Variants in DNMBP observed in about 807,000 individuals in gnomAD.
The protein encoded by DNMBP is dynamin binding protein, also known as dynamin-binding protein.
In DNMBP, 87 loss-of-function variants were observed where a neutral mutation model predicts 150.0. The ratio of observed to expected loss-of-function variants is 0.58; its 90% confidence interval spans 0.49 to 0.69. The LOEUF (loss-of-function observed/expected upper bound fraction) is 0.69. Among genes scored for constraint, DNMBP ranks in the 30% least tolerant of loss-of-function variants. DNMBP has a pLI of 0.00. For synonymous variants in DNMBP, 711 were observed against 750.4 expected (o/e 0.95, Z 0.86); for missense variants, 1,774 against 1,949.0 (o/e 0.91, Z 1.69).
rs397847834 is a variant in DNMBP, at chr10:99,929,217, GA to G, written c.2261-20072del. On this transcript the variant is annotated intron_variant, in intron 4 of 16. Transcript: ENST00000324109. Reference sequence around the variant, plus strand: ...GTCCAAAGAAGTGTAGAGACTGAGAGAAAAAAAAAAAAACATGCCAGGAAAA... The same window carrying G: ...GTCCAAAGAAGTGTAGAGACTGAGAGAAAAAAAAAAAACATGCCAGGAAAA... Among the ~76,000 whole-genome samples, 381 of 135,224 alleles carry G rather than the reference GA, an allele frequency of 2.8e-3. 1 individual carries two copies. Among genetic ancestry groups the G allele is most frequent in the African/African-American group, 3.6e-3 (133 of 36,934 alleles). The allele number at this position is 135,224 out of a possible 152,430, so 88.7% of individuals were successfully genotyped here. A position where few individuals can be genotyped will look rare whatever the true frequency, so the allele number is the denominator to read the frequency against.
At chr10:99,914,000 A>G in intron 4 of DNMBP, 4 of 1,505,540 alleles carry the variant, frequency 2.7e-6, no homozygotes, top group Non-Finnish European at 3.6e-6. Flanking sequence ...GCCTGAGGGT[A>G]AGCAGGCGGG....
At chr10:99,886,211 A>T in intron 13 of DNMBP, 89 bp downstream of exon 13, 1 of 1,116,358 alleles carries the variant, frequency 9.0e-7, no homozygotes, top group Non-Finnish European at 1.3e-6. Flanking sequence ...TAATTCAGAT[A>T]ATTTTTCAAA....
chr10:99,928,283 T>G (rs2040105236), intron 4 of DNMBP: 1 of 152,200 alleles, frequency 6.6e-6, no homozygotes, highest in Non-Finnish European at 1.5e-5. Context: ...GCTTATCTTT[T>G]CAGTCTGTGG....
At chr10:99,989,642 C>T (rs1024477729) in intron 1 of DNMBP, among the ~76,000 whole-genome samples, 1 of 152,044 alleles carries the variant, frequency 6.6e-6, no homozygotes, top group Non-Finnish European at 1.5e-5. Context: ...ACCTGGGAGG[C>T]GGAGGTTGCA....
chr10:99,877,907 A>C (rs1407479070), intron 16 of DNMBP, among the ~76,000 whole-genome samples: 1 of 151,702 alleles, frequency 6.6e-6, no homozygotes. Context: ...AGATCACTAG[A>C]GGTCAGGAGT....
intron 1 of DNMBP, among the ~76,000 whole-genome samples, chr10:99,973,650 A>G (rs2040699993): frequency 6.6e-6 from 1 of 152,236 alleles, no homozygotes; most frequent in Non-Finnish European, 1.5e-5. Flanking sequence ...CAACCTGAAG[A>G]ACAGCAGCAG....
chr10:99,885,381 G>T (rs1177492268), intron 14 of DNMBP, among the ~76,000 whole-genome samples: 1 of 152,060 alleles, frequency 6.6e-6, no homozygotes, highest in African/African-American at 2.4e-5. Context: ...GTAGTGGCGT[G>T]TGCCTGTAGT....
At position 99,956,072 on chromosome 10, in the gene DNMBP, G is replaced by C; in HGVS notation, c.1402C>G (p.Leu468Val). The change falls in exon 4 of 17, where the codon CTA becomes GTA. Residue 468 changes from leucine to valine, a missense_variant. Leu to Val is a conservative substitution (Grantham distance 32). Transcript: ENST00000324109. ...SLPPKRMYSQLKTLQKPVLPL... is the reference protein window; with the variant it reads ...SLPPKRMYSQVKTLQKPVLPL... ...AGCACTGGCTTCTGAAGAGTTTTTA[G>C]CTGGGAATACATTCTTTTGGGAGGT... 6.2e-7 allele frequency: 1 copy of C among 1,614,188 alleles called. No individual in the cohort carries two copies. The highest frequency in any genetic ancestry group is 1.7e-5 in the Admixed American group (1 of 60,020).
Position 99,886,462 on chromosome 10 carries a change from C to G in DNMBP, c.3456G>C (p.Ser1152=), listed in dbSNP as rs767654949. Residue 1152 remains serine, a synonymous_variant, in exon 13 of 17, where the codon TCG becomes TCC. Coordinates refer to ENST00000324109, the MANE Select transcript of DNMBP (RefSeq NM_015221.4). ...TCAGGGCCTCATAGTTGTTCCGGGC[C>G]GACTGCAGCTCCTCCAGGGTCTTCT... The part of the protein sequence containing the change: ...KDKKTLEELQ[S]ARNNYEALNA... 1.2e-6 allele frequency: 2 copies of G among 1,614,152 alleles called. No individual in the cohort carries two copies. The highest frequency in any genetic ancestry group is 1.7e-6 in the Non-Finnish European group (2 of 1,180,034).
At chr10:99,988,137 G>A (rs1402561660) in intron 1 of DNMBP, among the ~76,000 whole-genome samples, 1 of 152,100 alleles carries the variant, frequency 6.6e-6, no homozygotes, top group Non-Finnish European at 1.5e-5. Context: ...TGCGTCCAAT[G>A]AGATGACCAT....
intron 12 of DNMBP, among the ~76,000 whole-genome samples, chr10:99,888,354 G>A (rs1440191714): frequency 1.3e-5 from 2 of 151,988 alleles, no homozygotes; most frequent in Non-Finnish European, 2.9e-5. Flanking sequence ...GGGATTACAG[G>A]TGCCCACCAC....
At chr10:99,881,360 T>A (rs2039365044) in intron 15 of DNMBP, among the ~76,000 whole-genome samples, 1 of 152,192 alleles carries the variant, frequency 6.6e-6, no homozygotes, top group Admixed American at 6.5e-5. Context: ...AACTGTTTGT[T>A]AGAATATACA....
At chr10:99,879,084 C>CAAAGAAAAAAA (rs2039320161) in intron 16 of DNMBP, among the ~76,000 whole-genome samples, 1 of 62,404 alleles carries the variant, frequency 1.6e-5, no homozygotes, top group Non-Finnish European at 2.8e-5. Flanking sequence ...GACTCTGTCT[C>CAAAGAAAAAAA]AAAAAAAAAA....
chr10:99,952,753 C>G (rs1163607124), intron 4 of DNMBP, among the ~76,000 whole-genome samples: 1 of 152,136 alleles, frequency 6.6e-6, no homozygotes, highest in Non-Finnish European at 1.5e-5. Context: ...ACTTGATTTC[C>G]AATAATACTC....
rs775726377 is a variant in DNMBP, at chr10:99,879,965, C to T, written c.4394G>A (p.Ser1465Asn). 1 of 1,614,166 alleles carries T rather than the reference C, an allele frequency of 6.2e-7. No individual in the cohort carries two copies. Among genetic ancestry groups the T allele is most frequent in the Non-Finnish European group, 8.5e-7 (1 of 1,180,044 alleles). ...DVKQPTATPR[S>N]YRNFRHPEIV... ...TTCTGGATGCCTGAAGTTCCGGTAG[C>T]TCCTCGGCGTGGCAGTGGGTTGCTT... is the stretch of plus-strand genomic sequence containing the variant. The change falls in exon 16 of 17, where the codon AGC (serine) becomes AAC (asparagine). Residue 1465 changes from serine to asparagine, a missense_variant. This residue lies in a region of DNMBP where 1,430 missense variants were observed against 1,492.5 expected (regional missense o/e 0.96). Coordinates refer to ENST00000324109, the MANE Select transcript of DNMBP (RefSeq NM_015221.4).
chr10:99,915,108 A>AAAAAATATAT (rs10654940), intron 4 of DNMBP, among the ~76,000 whole-genome samples: 106 of 99,784 alleles, frequency 1.1e-3, no homozygotes, highest in South Asian at 8.3e-3. Flanking sequence ...AAAAAAAAAA[A>AAAAAATATAT]ATATATATAT....
intron 10 of DNMBP, among the ~76,000 whole-genome samples, chr10:99,895,252 G>C (rs558939311): frequency 1.7e-3 from 257 of 151,268 alleles, no homozygotes; most frequent in Non-Finnish European, 2.8e-3. Context: ...TCAGCCTCTC[G>C]CATAGCTGAG....
chr10:99,970,920 C>T lies in DNMBP; in HGVS notation c.145+1060G>A, dbSNP rs997831612. On this transcript the variant is annotated intron_variant, in intron 2 of 16. Coordinates refer to ENST00000324109, the MANE Select transcript of DNMBP (RefSeq NM_015221.4). ...CTGGGAGGTAGAGCTTGCAGTGAGC[C>T]GAGATCATGCCACTGCACTCCAGCC... Among the ~76,000 whole-genome samples the T allele has an allele frequency of 3.2e-5, 4 of 124,730 alleles. No individual in the cohort carries two copies. The Admixed American group carries it at 3.3e-4, about 10-fold the overall frequency. The allele number at this position is 124,730 out of a possible 152,430, so 81.8% of individuals were successfully genotyped here.
At chr10:99,962,215 A>C (rs2133341873) in intron 3 of DNMBP, among the ~76,000 whole-genome samples, 1 of 152,324 alleles carries the variant, frequency 6.6e-6, no homozygotes, top group East Asian at 1.9e-4. Context: ...GAGTTGCCCA[A>C]AATATTTTCA....
Sources: gnomAD v4.1 joint callset for allele counts (sites outside exome capture counted in the v4.1 genomes callset) on GRCh38, gnomAD v4.1.1 for gene constraint, gnomAD v4.1.1 regional missense constraint, MANE v1.5 for transcripts, NCBI Gene and HGNC (gene_info 2026-07-23, HGNC 2026-07-21) for gene names.